The following GADL1 variants were observed in gnomAD, a reference collection of about 807,000 sequenced individuals.
GADL1 encodes acidic amino acid decarboxylase GADL1.
In GADL1, 71 loss-of-function variants were observed where a neutral mutation model predicts 69.5. The ratio of observed to expected loss-of-function variants is 1.02; its 90% CI spans 0.84 to 1.25. GADL1 has a LOEUF of 1.25. Among genes scored for constraint, GADL1 ranks in the 50% most tolerant of loss-of-function variants. GADL1 has a pLI of 0.00. For missense variants in GADL1, 737 were observed against 631.8 expected (o/e 1.17, Z -1.79); for synonymous variants, 254 against 214.4 (o/e 1.18, Z -1.62).
In GADL1 at chr3:30,749,368, GAAGAA is replaced by G. The variant is rs1209695412; in HGVS notation, c.1393-20958_1393-20954del. ...ACTCTTGGTCTTCTCTCTAAAATCA[GAAGAA>G]AAGAAGACTGGCCAGAATGCTGGAG... On this transcript the variant is annotated intron_variant, in intron 14 of 14. Coordinates refer to ENST00000282538, the MANE Select transcript of GADL1 (RefSeq NM_207359.3). Among the ~76,000 whole-genome samples the G allele has an allele frequency of 3.3e-5, 5 of 152,288 alleles. No individual in the cohort carries two copies. In the South Asian group the frequency reaches 1.0e-3, roughly 32 times the overall value.
intron 11 of GADL1, among the ~76,000 whole-genome samples, chr3:30,808,361 G>A (rs1449391467): frequency 6.6e-6 from 1 of 152,052 alleles, no homozygotes; most frequent in African/African-American, 2.4e-5. Flanking sequence ...ACTGGGCATG[G>A]TGGTTGCATG....
intron 3 of GADL1, among the ~76,000 whole-genome samples, chr3:30,855,155 C>T (rs1698207857): frequency 6.6e-6 from 1 of 151,970 alleles, no homozygotes; most frequent in Non-Finnish European, 1.5e-5. Context: ...ATACCTCATT[C>T]TAAAAAAATC....
intron 14 of GADL1, among the ~76,000 whole-genome samples, chr3:30,749,941 A>G (rs933274066): frequency 6.6e-6 from 1 of 152,192 alleles, no homozygotes; most frequent in African/African-American, 2.4e-5. Context: ...GCCAATGATG[A>G]GGGCCAATGG....
At chr3:30,761,266 GA>G (rs11293686) in intron 14 of GADL1, among the ~76,000 whole-genome samples, 64,236 of 151,860 alleles carry the variant, frequency 0.42, 13,634 homozygotes, top group Non-Finnish European at 0.44. Context: ...AGTCTCCAGG[GA>G]AGAAGACAGC....
chr3:30,732,523 C>G (rs1180362178), intron 14 of GADL1, among the ~76,000 whole-genome samples: 1 of 152,074 alleles, frequency 6.6e-6, no homozygotes, highest in Non-Finnish European at 1.5e-5. Context: ...TAAATAGAGT[C>G]TCGTTGCACA....
At chr3:30,763,322 C>T (rs1200816649) in intron 14 of GADL1, among the ~76,000 whole-genome samples, 2 of 151,838 alleles carry the variant, frequency 1.3e-5, no homozygotes, top group African/African-American at 4.8e-5. Context: ...CACGGTGAAA[C>T]CCCCTGTCGC....
At chr3:30,794,819 A>T (rs2125503794) in intron 12 of GADL1, among the ~76,000 whole-genome samples, 2 of 152,318 alleles carry the variant, frequency 1.3e-5, no homozygotes, top group South Asian at 4.1e-4. Context: ...TGCAGTGATC[A>T]TTGGTCTATC....
intron 14 of GADL1, among the ~76,000 whole-genome samples, chr3:30,771,279 T>A (rs2125492261): frequency 6.6e-6 from 1 of 152,300 alleles, no homozygotes; most frequent in East Asian, 1.9e-4. Flanking sequence ...TCTTGACCCT[T>A]AGTTGCAGAA....
At position 30,885,848 on chromosome 3, in the gene GADL1, C is replaced by T. The variant is rs896958714; in HGVS notation, c.37+8730G>A. ...TTTCGAACTCCTGATCTCAAGTGAT[C>T]CTCCTACTTTGTCCTCCCGAAGTAC... On this transcript the variant is annotated intron_variant, in intron 1 of 14. Coordinates refer to ENST00000282538, the MANE Select transcript of GADL1 (RefSeq NM_207359.3). Among the ~76,000 whole-genome samples the T allele has an allele frequency of 4.6e-5, 7 of 152,116 alleles. No individual in the cohort carries two copies. In the East Asian group the frequency reaches 1.4e-3, roughly 29 times the overall value.
intron 14 of GADL1, among the ~76,000 whole-genome samples, chr3:30,765,033 T>G (rs1350584486): frequency 8.1e-6 from 1 of 122,740 alleles, no homozygotes; most frequent in African/African-American, 3.0e-5. Flanking sequence ...AACTGCAAAT[T>G]GACTTTTTCC....
intron 4 of GADL1, among the ~76,000 whole-genome samples, chr3:30,851,742 G>A (rs917570495): frequency 6.6e-6 from 1 of 152,100 alleles, no homozygotes; most frequent in Non-Finnish European, 1.5e-5. Context: ...CCGAGCGTCA[G>A]CCAAGATTGT....
At chr3:30,844,958 A>AGGG (rs1422653685) in intron 6 of GADL1, among the ~76,000 whole-genome samples, 52 of 152,150 alleles carry the variant, frequency 3.4e-4, no homozygotes, top group African/African-American at 1.2e-3. Context: ...TCCACTGCTG[A>AGGG]CTTGAAACCC....
intron 11 of GADL1, among the ~76,000 whole-genome samples, chr3:30,831,622 G>A (rs1697794210): frequency 6.6e-6 from 1 of 151,900 alleles, no homozygotes; most frequent in Non-Finnish European, 1.5e-5. Flanking sequence ...TTTAAATTTA[G>A]GGTAATTGCC....
chr3:30,885,090 T>TA (rs1216177506), intron 1 of GADL1, among the ~76,000 whole-genome samples: 2 of 152,104 alleles, frequency 1.3e-5, no homozygotes, highest in African/African-American at 4.8e-5. Flanking sequence ...TGATCATTTG[T>TA]AAAAATAAGT....
chr3:30,732,780 G>A (rs1188576906), intron 14 of GADL1, among the ~76,000 whole-genome samples: 3 of 152,042 alleles, frequency 2.0e-5, no homozygotes, highest in South Asian at 2.1e-4. Flanking sequence ...TTTCAGGGTC[G>A]GGCATGGTTG....
intron 14 of GADL1, among the ~76,000 whole-genome samples, chr3:30,774,813 T>A (rs1696495364): frequency 6.6e-6 from 1 of 151,642 alleles, no homozygotes; most frequent in Non-Finnish European, 1.5e-5. Context: ...CTGACCGGGT[T>A]GAGAACTGTT....
In GADL1 at chr3:30,844,409, A is replaced by G; in HGVS notation, c.709T>C (p.Cys237Arg). The change falls in exon 7 of 15, where the codon TGC (cysteine) becomes CGC (arginine). Residue 237 changes from cysteine to arginine, a missense_variant. By Grantham distance (180) the Cys-to-Arg change is radical. Coordinates refer to ENST00000282538, the MANE Select transcript of GADL1 (RefSeq NM_207359.3). ...TACCTTCCATCTGTTTCCACAAAGC[A>G]AACATTCTCAGTGCCAATCCCAAGA... ...SFLGIGTENV[C>R]FVETDGRGKM... 6.2e-7 allele frequency: 1 copy of G among 1,613,556 alleles called. No homozygotes were observed. The highest frequency in any genetic ancestry group is 8.5e-7 in the Non-Finnish European group (1 of 1,179,450).
At chr3:30,749,812 G>A (rs1483371849) in intron 14 of GADL1, among the ~76,000 whole-genome samples, 1 of 152,162 alleles carries the variant, frequency 6.6e-6, no homozygotes, top group African/African-American at 2.4e-5. Flanking sequence ...AGGATAATTA[G>A]ACTTATACTC....
At chr3:30,870,300 T>C (rs1465406262) in intron 1 of GADL1, among the ~76,000 whole-genome samples, 2 of 151,452 alleles carry the variant, frequency 1.3e-5, no homozygotes, top group African/African-American at 2.4e-5. Context: ...CTGAATTGAG[T>C]TGTAAAAGAG....
Sources: gnomAD v4.1 joint callset for allele counts (sites outside exome capture counted in the v4.1 genomes callset) on GRCh38, gnomAD v4.1.1 for gene constraint, MANE v1.5 for transcripts, NCBI Gene and HGNC (gene_info 2026-07-23, HGNC 2026-07-21) for gene names.